Variants in DOCK3 observed in about 807,000 individuals in gnomAD.
DOCK3 encodes the protein dedicator of cytokinesis protein 3.
A neutral mutation model predicts 265.6 loss-of-function variants in DOCK3; 60 were observed. That is an observed-to-expected ratio of 0.23 (90% CI 0.18 to 0.28). The LOEUF is 0.28. DOCK3 is among the 10% of genes least tolerant of loss of function. DOCK3 has a pLI of 1.00. For missense variants in DOCK3, 1,981 were observed against 2,594.3 expected (o/e 0.76, Z 5.14); for synonymous variants, 881 against 938.0 (o/e 0.94, Z 1.11).
chr3:51,240,258 A>G (rs2078551274), intron 21 of DOCK3, among the ~76,000 whole-genome samples: 1 of 152,152 alleles, frequency 6.6e-6, no homozygotes, highest in Non-Finnish European at 1.5e-5. Context: ...TATGGTTTTC[A>G]GTGAATTTCT....
intron 9 of DOCK3, among the ~76,000 whole-genome samples, chr3:51,128,648 G>T (rs931556076): frequency 1.3e-5 from 2 of 152,308 alleles, no homozygotes; most frequent in Admixed American, 1.3e-4. Flanking sequence ...GAACCTCTGC[G>T]CTTTCTGTGA....
At chr3:51,322,289 G>T (rs1488605123) in intron 32 of DOCK3, among the ~76,000 whole-genome samples, 2 of 152,138 alleles carry the variant, frequency 1.3e-5, no homozygotes, top group Admixed American at 1.3e-4. Context: ...TGCAAGTTCT[G>T]CCTCCTGGGT....
rs782099898 is a variant in DOCK3 at position 51,380,201 on chromosome 3, G to A, written c.5577G>A (p.Leu1859=). Residue 1859 remains leucine (L), a synonymous_variant, in exon 52 of 53, where the codon CTG becomes CTA. Coordinates refer to ENST00000266037, the MANE Select transcript of DOCK3 (RefSeq NM_004947.5). ...DTPPALPART[L]RKSPLHPIPA... is the part of the protein sequence containing the mutation. ...CCCCAGCCCTCCCTGCCCGGACCCT[G>A]CGCAAGGTAATGTACTGAAGCGGCA... 1 of 1,612,656 alleles carries A rather than the reference G, an allele frequency of 6.2e-7. No individual in the cohort carries two copies. Among genetic ancestry groups the A allele is most frequent in the South Asian group, 1.1e-5 (1 of 90,936 alleles).
chr3:51,367,030 T>C (rs945275895), intron 49 of DOCK3, among the ~76,000 whole-genome samples: 3 of 152,198 alleles, frequency 2.0e-5, no homozygotes, highest in African/African-American at 7.2e-5. Flanking sequence ...CTGAGTTCAA[T>C]TCCTGGATAT....
intron 2 of DOCK3, among the ~76,000 whole-genome samples, chr3:50,837,247 T>C (rs1231586490): frequency 6.6e-6 from 1 of 152,178 alleles, no homozygotes; most frequent in African/African-American, 2.4e-5. Flanking sequence ...CACCCTACAC[T>C]CTGCAGTACC....
At chr3:51,248,725 C>T (rs561981272) in intron 22 of DOCK3, among the ~76,000 whole-genome samples, 6 of 150,206 alleles carry the variant, frequency 4.0e-5, no homozygotes, top group East Asian at 4.0e-4. Context: ...TCCGCCCGGC[C>T]GCCATCCCAT....
chr3:51,341,052 T>C (rs1285289944), intron 37 of DOCK3, among the ~76,000 whole-genome samples, 185 bp from the exon 38 acceptor site: 1 of 152,242 alleles, frequency 6.6e-6, no homozygotes, highest in Non-Finnish European at 1.5e-5. Context: ...TCCTTCATGC[T>C]GTGGACAAGG....
intron 12 of DOCK3, among the ~76,000 whole-genome samples, chr3:51,164,490 G>A (rs2086285393): frequency 6.6e-6 from 1 of 152,046 alleles, no homozygotes. Flanking sequence ...AGCCATGATG[G>A]TGGGCACCTG....
chr3:50,952,213 G>T (rs2076609908), intron 5 of DOCK3, among the ~76,000 whole-genome samples: 1 of 152,038 alleles, frequency 6.6e-6, no homozygotes, highest in Non-Finnish European at 1.5e-5. Flanking sequence ...TAAAAAGGTT[G>T]GAATAGTATA....
At chr3:50,762,722 T>C (rs994602789) in intron 1 of DOCK3, among the ~76,000 whole-genome samples, 2 of 152,168 alleles carry the variant, frequency 1.3e-5, no homozygotes, top group African/African-American at 4.8e-5. Context: ...TGAGGTTTTT[T>C]TTTTAATCAT....
At chr3:50,742,895 C>G (rs1268612836) in intron 1 of DOCK3, among the ~76,000 whole-genome samples, 3 of 152,102 alleles carry the variant, frequency 2.0e-5, no homozygotes, top group African/African-American at 7.2e-5. Context: ...ACATAATTGT[C>G]AGATTCACCA....
At chr3:51,280,080 A>G (rs774113209) in intron 26 of DOCK3, 26 bp from the exon 27 acceptor site, 55 of 1,603,298 alleles carry the variant, frequency 3.4e-5, no homozygotes, top group Non-Finnish European at 4.6e-5. Flanking sequence ...TGGCCATGCT[A>G]AGTGTTTTTT....
chr3:51,014,761 A>G (rs1336083210), intron 5 of DOCK3, among the ~76,000 whole-genome samples: 2 of 152,112 alleles, frequency 1.3e-5, no homozygotes, highest in African/African-American at 4.8e-5. Flanking sequence ...CGTTTTAACA[A>G]TATCAATTCT....
intron 12 of DOCK3, among the ~76,000 whole-genome samples, chr3:51,166,336 T>C (rs1444220772): frequency 2.0e-5 from 3 of 152,064 alleles, no homozygotes; most frequent in Non-Finnish European, 4.4e-5. Flanking sequence ...TAGGCATGAG[T>C]CACCATGCCT....
chr3:51,043,410 C>T (rs745824489), intron 5 of DOCK3, among the ~76,000 whole-genome samples: 8 of 152,144 alleles, frequency 5.3e-5, no homozygotes, highest in African/African-American at 1.2e-4. Flanking sequence ...TGCACTCCTT[C>T]CTTATACCAT....
chr3:51,003,056 A>G (rs2078542887), intron 5 of DOCK3, among the ~76,000 whole-genome samples: 1 of 152,228 alleles, frequency 6.6e-6, no homozygotes, highest in Non-Finnish European at 1.5e-5. Flanking sequence ...AAACATAAAG[A>G]AGGAAATGTG....
At chr3:51,345,098 A>G (rs537420174) in intron 38 of DOCK3, among the ~76,000 whole-genome samples, 1 of 152,328 alleles carries the variant, frequency 6.6e-6, no homozygotes, top group African/African-American at 2.4e-5. Flanking sequence ...CAGGCTGGCC[A>G]GAAGTCTGTA....
chr3:51,255,248 A>G (rs999244254), intron 22 of DOCK3, among the ~76,000 whole-genome samples: 1 of 152,200 alleles, frequency 6.6e-6, no homozygotes, highest in African/African-American at 2.4e-5. Flanking sequence ...TGTTAGTCTG[A>G]TGGGCTTCCC....
intron 1 of DOCK3, among the ~76,000 whole-genome samples, chr3:50,737,798 G>A (rs1416284630): frequency 2.6e-5 from 4 of 152,088 alleles, no homozygotes; most frequent in Non-Finnish European, 5.9e-5. Context: ...TTTAGTTCAT[G>A]TATTATTTTC....
Sources: allele counts gnomAD v4.1 joint callset (sites outside exome capture counted in the v4.1 genomes callset), GRCh38; gene constraint gnomAD v4.1.1; transcripts MANE v1.5; gene names NCBI Gene and HGNC (gene_info 2026-07-23, HGNC 2026-07-21).